RBFOX1: variants seen among roughly 807,000 people sequenced by gnomAD.
RBFOX1 encodes the protein RNA binding protein fox-1 homolog 1.
RBFOX1 carries 8 observed loss-of-function variants against 57.7 expected under a neutral mutation model. That is an observed-to-expected ratio of 0.14 (90% confidence interval 0.08 to 0.25). The LOEUF is 0.25. Ranked by LOEUF, RBFOX1 falls within the 10% of genes least tolerant of loss-of-function variation. The probability of loss-of-function intolerance (pLI) is 1.00; values close to 1 mark genes in which losing one functional copy is unlikely to be tolerated. For missense variants in RBFOX1, 611 were observed against 548.5 expected (o/e 1.11, Z -1.14); for synonymous variants, 326 against 222.4 (o/e 1.47, Z -4.15).
intron 3 of RBFOX1, among the ~76,000 whole-genome samples, chr16:6,786,921 G>A (rs1337398543): frequency 1.3e-5 from 2 of 151,374 alleles, no homozygotes; most frequent in Non-Finnish European, 1.5e-5. Context: ...AAAAAAAAAG[G>A]CTTATTGACT....
At chr16:7,498,340 G>A (rs1229676078) in intron 4 of RBFOX1, among the ~76,000 whole-genome samples, 1 of 152,072 alleles carries the variant, frequency 6.6e-6, no homozygotes, top group Non-Finnish European at 1.5e-5. Flanking sequence ...AGCTAATGGT[G>A]TACATGGGTC....
chr16:5,485,795 G>T (rs957130057), intron 2 of RBFOX1, among the ~76,000 whole-genome samples: 19 of 152,202 alleles, frequency 1.2e-4, no homozygotes, highest in Admixed American at 3.9e-4. Flanking sequence ...CTGTCTGGGA[G>T]CACAAGAACG....
At chr16:7,000,592 C>CTTTTTTTT (rs1568307066) in intron 3 of RBFOX1, among the ~76,000 whole-genome samples, 1 of 84,054 alleles carries the variant, frequency 1.2e-5, no homozygotes, top group African/African-American at 4.2e-5. Context: ...CTTTCTTTTT[C>CTTTTTTTT]TTTCTTTTTT....
chr16:7,423,583 A>G (rs1057157457), intron 4 of RBFOX1, among the ~76,000 whole-genome samples: 1 of 152,100 alleles, frequency 6.6e-6, no homozygotes, highest in Non-Finnish European at 1.5e-5. Flanking sequence ...CACTACTGGA[A>G]AGGAGAGTTT....
At chr16:6,542,694 G>A (rs572336779) in intron 2 of RBFOX1, among the ~76,000 whole-genome samples, 4 of 151,784 alleles carry the variant, frequency 2.6e-5, no homozygotes, top group Non-Finnish European at 5.9e-5. Context: ...GGGTTTCACT[G>A]TGTTAGCCAG....
intron 1 of RBFOX1, among the ~76,000 whole-genome samples, chr16:6,032,686 A>G (rs1024386286): frequency 6.6e-6 from 1 of 152,146 alleles, no homozygotes; most frequent in African/African-American, 2.4e-5. Flanking sequence ...AAGCAACATT[A>G]ATTATTTTCG....
intron 1 of RBFOX1, among the ~76,000 whole-genome samples, chr16:6,059,951 C>G (rs1351425975): frequency 6.6e-6 from 1 of 152,044 alleles, no homozygotes; most frequent in East Asian, 1.9e-4. Context: ...CCTATGTTTA[C>G]AGATGAAGGA....
rs543901301 is a variant in RBFOX1, at chr16:6,350,951, C to T, written c.-64+33894C>T. 8.5e-5 allele frequency among the ~76,000 whole-genome samples: 13 copies of T among 152,326 alleles called. No homozygotes were observed. The East Asian group carries it at 1.7e-3, about 20-fold the overall frequency. On this transcript the variant is annotated intron_variant, in intron 2 of 15. Transcript: ENST00000550418. ...ATGGCCTGGCACCTGGTCCTCACCA[C>T]GAAATGCCTGAAATGAAGACCACAG... is the stretch of plus-strand genomic sequence containing the variant.
intron 1 of RBFOX1, among the ~76,000 whole-genome samples, chr16:6,236,104 A>T (rs980839633): frequency 1.9e-4 from 29 of 152,236 alleles, no homozygotes; most frequent in African/African-American, 6.3e-4. Flanking sequence ...CATAGGCATG[A>T]TTTATTCCAT....
In RBFOX1 at chr16:7,312,118, G is replaced by A. The variant is rs994806339; in HGVS notation, c.28-206029G>A. The stretch of plus-strand genomic sequence containing the variant: ...GGAAGGGCCGGGCGCAGTGGCCCAC[G>A]CCTGTAATCCCAGCACTTTAGGAGG... On this transcript the variant is annotated intron_variant, in intron 4 of 15. Coordinates refer to ENST00000550418, the MANE Select transcript of RBFOX1 (RefSeq NM_018723.4). Among the ~76,000 whole-genome samples, 9 of 152,212 alleles carry A rather than the reference G, an allele frequency of 5.9e-5. 1 individual carries two copies. The highest frequency in any genetic ancestry group is 3.9e-4 in the Admixed American group (6 of 15,282).
At chr16:6,892,601 TG>T (rs1378294808) in intron 3 of RBFOX1, among the ~76,000 whole-genome samples, 1 of 152,034 alleles carries the variant, frequency 6.6e-6, no homozygotes. Flanking sequence ...ACCTGGGAAA[TG>T]GAAGTTGCAG....
At chr16:6,159,322 C>T (rs2096860733) in intron 1 of RBFOX1, among the ~76,000 whole-genome samples, 1 of 152,170 alleles carries the variant, frequency 6.6e-6, no homozygotes. Flanking sequence ...GGTGATCTGC[C>T]CGCCTCGGCC....
intron 1 of RBFOX1, among the ~76,000 whole-genome samples, chr16:5,260,037 C>G (rs569484441): frequency 1.3e-4 from 20 of 152,236 alleles, no homozygotes; most frequent in African/African-American, 4.6e-4. Context: ...CTTGTCTCTA[C>G]TAAAAATACA....
At chr16:7,127,326 G>A (rs971725823) in intron 4 of RBFOX1, among the ~76,000 whole-genome samples, 1 of 152,100 alleles carries the variant, frequency 6.6e-6, no homozygotes, top group Non-Finnish European at 1.5e-5. Flanking sequence ...CAAGAGAGAA[G>A]GTTAAAAGTA....
At chr16:6,954,561 C>T (rs777121291) in intron 3 of RBFOX1, among the ~76,000 whole-genome samples, 22 of 152,102 alleles carry the variant, frequency 1.4e-4, no homozygotes, top group Non-Finnish European at 2.9e-5. Flanking sequence ...CTGTTGTCCA[C>T]CCCAATGCTA....
intron 1 of RBFOX1, among the ~76,000 whole-genome samples, chr16:6,267,455 G>T (rs947968711): frequency 6.6e-6 from 1 of 152,016 alleles, no homozygotes; most frequent in Non-Finnish European, 1.5e-5. Flanking sequence ...CTCTTTCTCT[G>T]TAGCCTAAGA....
chr16:5,390,119 A>T (rs1193787486), intron 1 of RBFOX1, among the ~76,000 whole-genome samples: 1 of 152,202 alleles, frequency 6.6e-6, no homozygotes, highest in African/African-American at 2.4e-5. Flanking sequence ...TGGGTTATGA[A>T]TTCTAACACT....
At chr16:6,460,473 A>G (rs548336473) in intron 2 of RBFOX1, among the ~76,000 whole-genome samples, 1 of 152,204 alleles carries the variant, frequency 6.6e-6, no homozygotes, top group African/African-American at 2.4e-5. Flanking sequence ...AAAAACATAC[A>G]TGCGGCCAAA....
At chr16:6,254,760 A>G (rs1315386329) in intron 1 of RBFOX1, among the ~76,000 whole-genome samples, 1 of 152,200 alleles carries the variant, frequency 6.6e-6, no homozygotes, top group East Asian at 1.9e-4. Flanking sequence ...TTAAAACAAT[A>G]TATTTCTGTC....
Sources: gnomAD v4.1 joint callset for allele counts (sites outside exome capture counted in the v4.1 genomes callset) on GRCh38, gnomAD v4.1.1 for gene constraint, MANE v1.5 for transcripts, NCBI Gene and HGNC (gene_info 2026-07-23, HGNC 2026-07-21) for gene names.